Variants in UBE2R2 observed in about 807,000 individuals in gnomAD.
UBE2R2 encodes the protein ubiquitin-conjugating enzyme E2 R2.
A neutral mutation model predicts 27.8 loss-of-function variants in UBE2R2; 1 was observed. The ratio of observed to expected loss-of-function variants is 0.04; its 90% CI spans 0.01 to 0.17. The LOEUF (loss-of-function observed/expected upper bound fraction) is 0.17, where lower values mean the gene tolerates loss of function less well. UBE2R2 is among the 10% of genes least tolerant of loss of function. The pLI is 1.00. For synonymous variants in UBE2R2, 106 were observed against 113.3 expected, an observed-to-expected ratio of 0.94 and a Z score of 0.41; for missense variants, 100 against 291.0, an observed-to-expected ratio of 0.34 and a Z score of 4.78.
chr9:33,866,569 G>C (rs1189306820), intron 1 of UBE2R2, among the ~76,000 whole-genome samples: 1 of 152,136 alleles, frequency 6.6e-6, no homozygotes, highest in African/African-American at 2.4e-5. Flanking sequence ...AACATGTGAA[G>C]GTAGAAAGTT....
intron 1 of UBE2R2, among the ~76,000 whole-genome samples, chr9:33,828,484 G>T (rs912441188): frequency 1.3e-5 from 2 of 151,320 alleles, no homozygotes; most frequent in Middle Eastern, 3.4e-3. Context: ...CCGCCTCCTG[G>T]GTTCAATCAG....
At chr9:33,838,193 G>T (rs1034773037) in intron 1 of UBE2R2, among the ~76,000 whole-genome samples, 1 of 150,400 alleles carries the variant, frequency 6.6e-6, no homozygotes, top group African/African-American at 2.4e-5. Context: ...TTGCTCTGTT[G>T]CCCAGGCTGG....
At chr9:33,848,655 G>A (rs1230473726) in intron 1 of UBE2R2, among the ~76,000 whole-genome samples, 3 of 151,546 alleles carry the variant, frequency 2.0e-5, no homozygotes, top group African/African-American at 7.3e-5. Context: ...GGGCTGGAGT[G>A]CAATGGCGTG....
chr9:33,868,979 G>A, intron 1 of UBE2R2, among the ~76,000 whole-genome samples: 2 of 152,232 alleles, frequency 1.3e-5, no homozygotes, highest in Middle Eastern at 6.8e-3. Context: ...ATATGTAATT[G>A]TTTTTTGGCC....
At chr9:33,850,101 C>T (rs887209169) in intron 1 of UBE2R2, among the ~76,000 whole-genome samples, 15 of 152,066 alleles carry the variant, frequency 9.9e-5, no homozygotes, top group Admixed American at 1.3e-4. Flanking sequence ...ACCAGAGAAA[C>T]GCACTGGGCT....
At chr9:33,870,522 A>G (rs534801157) in intron 1 of UBE2R2, among the ~76,000 whole-genome samples, 1 of 152,318 alleles carries the variant, frequency 6.6e-6, no homozygotes, top group South Asian at 2.1e-4. Context: ...AATTAAAAAG[A>G]GGATCTTGGG....
At chr9:33,833,102 T>A (rs1820529539) in intron 1 of UBE2R2, among the ~76,000 whole-genome samples, 1 of 152,216 alleles carries the variant, frequency 6.6e-6, no homozygotes, top group Non-Finnish European at 1.5e-5. Context: ...TTTTGCTGTA[T>A]TGCCCAGGCT....
intron 1 of UBE2R2, among the ~76,000 whole-genome samples, chr9:33,851,907 A>G (rs1204233485): frequency 2.0e-5 from 3 of 152,120 alleles, no homozygotes; most frequent in Admixed American, 6.6e-5. Flanking sequence ...ATATATAACT[A>G]TATAAAAGTA....
At chr9:33,815,536 A>T (rs1825734689), upstream of UBE2R2, among the ~76,000 whole-genome samples, 1 of 152,110 alleles carries the variant, frequency 6.6e-6, no homozygotes, top group Non-Finnish European at 1.5e-5. Context: ...CCTGAGGTCA[A>T]GGGTTGGAGA....
chr9:33,905,823 G>C (rs1822341900), intron 3 of UBE2R2, among the ~76,000 whole-genome samples: 1 of 152,116 alleles, frequency 6.6e-6, no homozygotes. Context: ...CTTTGATAGA[G>C]TGGAAATGAG....
At chr9:33,843,205 C>T (rs1211452030) in intron 1 of UBE2R2, among the ~76,000 whole-genome samples, 7 of 151,778 alleles carry the variant, frequency 4.6e-5, no homozygotes, top group South Asian at 2.1e-4. Flanking sequence ...TGCGCCATCC[C>T]GCCCAGCTAA....
At chr9:33,823,633 C>T (rs568444745) in intron 1 of UBE2R2, among the ~76,000 whole-genome samples, 103 of 152,326 alleles carry the variant, frequency 6.8e-4, no homozygotes, top group African/African-American at 2.3e-3. Context: ...GCCTTGGCCT[C>T]CCAAAGTGCT....
chr9:33,901,932 A>C (rs1431108795), intron 3 of UBE2R2, among the ~76,000 whole-genome samples: 2 of 128,754 alleles, frequency 1.6e-5, no homozygotes, highest in African/African-American at 3.2e-5. Flanking sequence ...TTTTTTTTTT[A>C]AGACAGGATC....
At chr9:33,852,019 A>G (rs946231654) in intron 1 of UBE2R2, among the ~76,000 whole-genome samples, 13 of 152,156 alleles carry the variant, frequency 8.5e-5, no homozygotes, top group African/African-American at 3.1e-4. Context: ...GGGGTTCAAC[A>G]TATTTAATTA....
Position 33,919,208 on chromosome 9 carries a change from A to C in UBE2R2, c.*1971A>C, listed in dbSNP as rs1467148447. On this transcript the variant is annotated 3_prime_UTR_variant, in exon 5 of 5. Coordinates refer to ENST00000263228, the MANE Select transcript of UBE2R2 (RefSeq NM_017811.4). ...TCATAGATGTTGGAACTACCTTTTT[A>C]CTCCCCATACTTTGTAAGTAATGCT... The C allele has an allele frequency of 2.6e-5, 4 of 151,804 alleles. No homozygotes were observed. The highest frequency in any genetic ancestry group is 5.9e-5 in the Non-Finnish European group (4 of 68,000). 9.4% of individuals were successfully genotyped at this position (151,804 alleles called of 1,614,324 possible).
chr9:33,910,947 A>T (rs1822469368), intron 3 of UBE2R2, among the ~76,000 whole-genome samples: 1 of 152,136 alleles, frequency 6.6e-6, no homozygotes, highest in South Asian at 2.1e-4. Context: ...TACTAAAAAT[A>T]CAAAAATTAG....
chr9:33,826,666 T>G lies in UBE2R2; in HGVS notation c.177+8732T>G, dbSNP rs190994547. 9.9e-5 allele frequency among the ~76,000 whole-genome samples: 15 copies of G among 152,034 alleles called. No homozygotes were observed. The East Asian group carries it at 2.7e-3, about 27-fold the overall frequency. ...GTGAGCTGAGATCACGCCATTGCAC[T>G]CCAGTCTGGGCAACAGAGTGAGACT... On this transcript the variant is annotated intron_variant, in intron 1 of 4. Coordinates refer to ENST00000263228, the MANE Select transcript of UBE2R2 (RefSeq NM_017811.4).
chr9:33,904,751 T>A (rs924198857), intron 3 of UBE2R2, among the ~76,000 whole-genome samples: 6 of 151,954 alleles, frequency 3.9e-5, no homozygotes, highest in Admixed American at 1.3e-4. Flanking sequence ...CCAGCATACT[T>A]CTTTTGAAAG....
At chr9:33,859,566 T>G (rs1012705646) in intron 1 of UBE2R2, among the ~76,000 whole-genome samples, 1 of 152,170 alleles carries the variant, frequency 6.6e-6, no homozygotes. Flanking sequence ...TTTGGAAAAC[T>G]TACTAGAACT....
Sources: gnomAD v4.1 joint callset for allele counts (sites outside exome capture counted in the v4.1 genomes callset) on GRCh38, gnomAD v4.1.1 for gene constraint, MANE v1.5 for transcripts, NCBI Gene and HGNC (gene_info 2026-07-23, HGNC 2026-07-21) for gene names.